Variants in CC2D2B observed in about 807,000 individuals in gnomAD.
CC2D2B encodes the protein protein CC2D2B.
In CC2D2B, 128 loss-of-function variants were observed where a neutral mutation model predicts 161.2. The ratio of observed to expected loss-of-function variants is 0.79; its 90% CI spans 0.69 to 0.92. The LOEUF (loss-of-function observed/expected upper bound fraction) is 0.92. Ranked by LOEUF, CC2D2B falls within the 40% of genes least tolerant of loss-of-function variation. The pLI is 0.00. For missense variants in CC2D2B, 1,173 were observed against 1,375.1 expected (o/e 0.85, Z 2.32); for synonymous variants, 391 against 449.8 (o/e 0.87, Z 1.65).
intron 29 of CC2D2B, among the ~76,000 whole-genome samples, chr10:96,015,231 A>ATTTTTTTTTTTTTTTTTTT (rs58739011): frequency 9.0e-6 from 1 of 111,332 alleles, no homozygotes; most frequent in African/African-American, 3.5e-5. Context: ...GGCCCAGCTA[A>ATTTTTTTTTTTTTTTTTTT]TTTTTTTTTT....
intron 2 of CC2D2B, among the ~76,000 whole-genome samples, chr10:95,917,737 T>C (rs963489612): frequency 6.6e-6 from 1 of 152,234 alleles, no homozygotes; most frequent in Admixed American, 6.5e-5. Context: ...TTTCTATTTA[T>C]ATCTTCTTAT....
intron 2 of CC2D2B, among the ~76,000 whole-genome samples, chr10:95,916,401 T>A (rs2098516448): frequency 6.6e-6 from 1 of 152,100 alleles, no homozygotes; most frequent in African/African-American, 2.4e-5. Context: ...TGTGATTTAT[T>A]TCCTGCTCTT....
chr10:96,012,514 C>G lies in CC2D2B; in HGVS notation c.3229-18C>G. The G allele has an allele frequency of 6.5e-7, 1 of 1,537,752 alleles. No individual in the cohort carries two copies. ...AACAATACAGTACAATTCTGAAATA[C>G]TTTACATTTTATTGTAGTTTTTAGA... On this transcript the variant is annotated intron_variant, in intron 27 of 34. Transcript: ENST00000646931.
At chr10:96,025,476 A>C (rs560652581) in intron 33 of CC2D2B, among the ~76,000 whole-genome samples, 12 of 151,816 alleles carry the variant, frequency 7.9e-5, no homozygotes, top group Non-Finnish European at 1.5e-4. Flanking sequence ...GACTAAGTTA[A>C]CTCTGGAAAC....
At chr10:95,934,461 A>G (rs1382081438) in intron 6 of CC2D2B, among the ~76,000 whole-genome samples, 1 of 151,890 alleles carries the variant, frequency 6.6e-6, no homozygotes, top group Non-Finnish European at 1.5e-5. Context: ...AAACAAACAA[A>G]CAAAAAAACC....
intron 19 of CC2D2B, among the ~76,000 whole-genome samples, chr10:95,985,493 A>G (rs999608016): frequency 6.6e-5 from 10 of 152,268 alleles, no homozygotes; most frequent in Non-Finnish European, 1.0e-4. Context: ...CACTTCCCCA[A>G]TCAATATTCT....
At chr10:95,957,308 T>A (rs2076599157) in intron 11 of CC2D2B, among the ~76,000 whole-genome samples, 1 of 152,174 alleles carries the variant, frequency 6.6e-6, no homozygotes, top group Admixed American at 6.6e-5. Context: ...CCCCTCTATC[T>A]CTGGATAAAG....
chr10:95,942,244 G>C (rs1230414196), intron 9 of CC2D2B, among the ~76,000 whole-genome samples: 1 of 152,054 alleles, frequency 6.6e-6, no homozygotes, highest in African/African-American at 2.4e-5. Context: ...AGGGATCTAT[G>C]GTACAACATT....
At chr10:95,938,217 A>C in intron 7 of CC2D2B, 28 bp downstream of exon 7, 1 of 1,423,090 alleles carries the variant, frequency 7.0e-7, no homozygotes, top group Non-Finnish European at 9.7e-7. Context: ...TAAAATATTC[A>C]AGTCATTAAC....
chr10:95,974,233 G>T (rs2141524985), intron 17 of CC2D2B, 77 bp downstream of exon 17: 1 of 789,754 alleles, frequency 1.3e-6, no homozygotes, highest in East Asian at 3.4e-5. Context: ...GTGTAAAAGA[G>T]AAAACTTGAG....
At chr10:95,961,350 A>C (rs1411026772) in intron 11 of CC2D2B, among the ~76,000 whole-genome samples, 1 of 152,128 alleles carries the variant, frequency 6.6e-6, no homozygotes, top group Non-Finnish European at 1.5e-5. Context: ...CAACATGGTA[A>C]AACCCCATCT....
At chr10:95,953,892 A>G (rs1286987574) in intron 10 of CC2D2B, among the ~76,000 whole-genome samples, 2 of 152,162 alleles carry the variant, frequency 1.3e-5, no homozygotes, top group Non-Finnish European at 2.9e-5. Flanking sequence ...AGTGTCTCAC[A>G]TTGAGAGCCT....
At chr10:96,026,889 G>A (rs566122534) in intron 33 of CC2D2B, among the ~76,000 whole-genome samples, 4 of 152,158 alleles carry the variant, frequency 2.6e-5, no homozygotes, top group East Asian at 3.8e-4. Context: ...TTGGGAGACC[G>A]AGGAGGGCGG....
At chr10:95,944,561 A>G (rs2076131570) in intron 9 of CC2D2B, among the ~76,000 whole-genome samples, 1 of 152,224 alleles carries the variant, frequency 6.6e-6, no homozygotes, top group South Asian at 2.1e-4. Flanking sequence ...ATCTGGGATC[A>G]TTGCTTTTAG....
At position 95,955,430 on chromosome 10, in the gene CC2D2B, G is replaced by A; in HGVS notation, c.1048G>A (p.Glu350Lys). 2.5e-6 allele frequency: 1 copy of A among 398,168 alleles called. No homozygotes were observed. Among genetic ancestry groups the A allele is most frequent in the Non-Finnish European group, 4.4e-6 (1 of 225,548 alleles). The allele number at this position is 398,168 out of a possible 1,614,324, so 24.7% of individuals were successfully genotyped here. The change falls in exon 11 of 35, where the codon GAA (glutamate) becomes AAA (lysine). Residue 350 changes from glutamate to lysine, a missense_variant. Physicochemically the swap from Glu to Lys is moderately conservative, Grantham distance 56. Coordinates refer to ENST00000646931, the MANE Select transcript of CC2D2B (RefSeq NM_001349008.3). ...ALTDATKLSNENSEINQLTRK... is the reference protein window; with the variant it reads ...ALTDATKLSNKNSEINQLTRK... ...GACAGATGCTACCAAATTGTCAAATGAAAATTCAGAAATTAACCAGCTGAC... is the reference window on the plus strand; with the variant it reads ...GACAGATGCTACCAAATTGTCAAATAAAAATTCAGAAATTAACCAGCTGAC...
rs2078129205 is a variant in CC2D2B at position 95,994,032 on chromosome 10, T to C, written c.2643-1237T>C. ...CAGCCCTACGGGGCTTAGCAGGGAT[T>C]CTCCCTGTGTGCAGAGACGAGAGAT... On this transcript the variant is annotated intron_variant, in intron 22 of 34. Coordinates refer to ENST00000646931, the MANE Select transcript of CC2D2B (RefSeq NM_001349008.3). Among the ~76,000 whole-genome samples, 3 of 136,796 alleles carry C rather than the reference T, an allele frequency of 2.2e-5. No individual in the cohort carries two copies. The South Asian group carries it at 7.4e-4, about 34-fold the overall frequency. 89.7% of individuals were successfully genotyped at this position (136,796 alleles called of 152,430 possible).
chr10:95,960,258 T>C (rs1372537536), intron 11 of CC2D2B, among the ~76,000 whole-genome samples: 1 of 152,178 alleles, frequency 6.6e-6, no homozygotes, highest in African/African-American at 2.4e-5. Flanking sequence ...TGTTTCACAC[T>C]TCAGCTATGT....
chr10:96,024,139 C>T (rs527738801), intron 32 of CC2D2B, among the ~76,000 whole-genome samples: 1 of 152,194 alleles, frequency 6.6e-6, no homozygotes, highest in Non-Finnish European at 1.5e-5. Context: ...GTCCTCTCCT[C>T]CCAGAAAATC....
chr10:95,973,754 G>A (rs1267768249), intron 16 of CC2D2B, among the ~76,000 whole-genome samples: 1 of 151,818 alleles, frequency 6.6e-6, no homozygotes, highest in Non-Finnish European at 1.5e-5. Flanking sequence ...CCAGCTACTT[G>A]GGAGCCTGAG....
Sources: gnomAD v4.1 joint callset for allele counts (sites outside exome capture counted in the v4.1 genomes callset) on GRCh38, gnomAD v4.1.1 for gene constraint, MANE v1.5 for transcripts, NCBI Gene and HGNC (gene_info 2026-07-23, HGNC 2026-07-21) for gene names.